Variants in ASTN2 observed in about 807,000 individuals in gnomAD.
ASTN2 encodes the protein astrotactin 2, also known as astrotactin-2.
ASTN2 carries 54 observed loss-of-function variants against 139.8 expected under a neutral mutation model. The ratio of observed to expected loss-of-function variants is 0.39; its 90% CI spans 0.31 to 0.48. The LOEUF (loss-of-function observed/expected upper bound fraction) is 0.48. ASTN2 is among the 20% of genes least tolerant of loss of function. ASTN2 has a pLI of 0.95. For synonymous variants in ASTN2, 756 were observed against 719.5 expected (o/e 1.05, Z -0.81); for missense variants, 1,565 against 1,725.1 (o/e 0.91, Z 1.64).
At chr9:116,953,005 G>A (rs1203464870) in intron 10 of ASTN2, among the ~76,000 whole-genome samples, 1 of 152,114 alleles carries the variant, frequency 6.6e-6, no homozygotes, top group Non-Finnish European at 1.5e-5. Context: ...TGTCATTTCT[G>A]TTCCTTAGCT....
At chr9:116,446,605 T>C (rs981936342) in intron 20 of ASTN2, among the ~76,000 whole-genome samples, 3 of 152,070 alleles carry the variant, frequency 2.0e-5, no homozygotes, top group Admixed American at 2.0e-4. Context: ...GAGGTCCAAG[T>C]CTACTTATGG....
chr9:117,191,984 C>G (rs1305728182), intron 3 of ASTN2, among the ~76,000 whole-genome samples: 2 of 152,034 alleles, frequency 1.3e-5, no homozygotes, highest in Non-Finnish European at 2.9e-5. Flanking sequence ...CAGAGCATGC[C>G]CGTTTGTTTT....
Position 116,424,738 on chromosome 9 carries a change from T to G in ASTN2, c.*1113A>C, listed in dbSNP as rs1847259904. ...GATTGATTACAGGCACGTGCCACCA[T>G]GCCCTGCTATTTTTTATTTTTTGTA... is the stretch of plus-strand genomic sequence containing the variant. On this transcript the variant is annotated 3_prime_UTR_variant, in exon 23 of 23. Transcript: ENST00000313400. Among the ~76,000 whole-genome samples the G allele has an allele frequency of 6.6e-6, 1 of 152,000 alleles. No homozygotes were observed. Among genetic ancestry groups the G allele is most frequent in the Non-Finnish European group, 1.5e-5 (1 of 67,972 alleles).
intron 10 of ASTN2, among the ~76,000 whole-genome samples, chr9:116,868,174 G>A (rs965768956): frequency 2.0e-5 from 3 of 152,170 alleles, no homozygotes; most frequent in African/African-American, 7.2e-5. Context: ...GATTTCCTGG[G>A]CACCTGCTAT....
At chr9:116,521,791 TCA>T (rs1428891543) in intron 19 of ASTN2, among the ~76,000 whole-genome samples, 1 of 134,152 alleles carries the variant, frequency 7.5e-6, no homozygotes, top group East Asian at 2.2e-4. Context: ...TACAAGGAAC[TCA>T]GACTAATCAG....
chr9:117,205,740 A>G lies in ASTN2; in HGVS notation c.1015+8618T>C, dbSNP rs145920447. Among the ~76,000 whole-genome samples the G allele has an allele frequency of 3.6e-3, 547 of 152,244 alleles. 4 individuals carry two copies. Among genetic ancestry groups the G allele is most frequent in the African/African-American group, 0.013 (521 of 41,544 alleles). On this transcript the variant is annotated intron_variant, in intron 3 of 22. Transcript: ENST00000313400. The stretch of plus-strand genomic sequence containing the variant: ...AAATAAGGCTTTCTTTAGGCTCTCA[A>G]AAGTAGCGGTCGGTGTCTGAACCGG...
intron 10 of ASTN2, among the ~76,000 whole-genome samples, chr9:116,890,326 C>T (rs1174648745): frequency 6.6e-6 from 1 of 152,166 alleles, no homozygotes; most frequent in Admixed American, 6.5e-5. Flanking sequence ...CCTAACTGCA[C>T]CTGCCACGCA....
At chr9:116,675,656 G>C (rs1039676857) in intron 16 of ASTN2, among the ~76,000 whole-genome samples, 1 of 152,198 alleles carries the variant, frequency 6.6e-6, no homozygotes, top group African/African-American at 2.4e-5. Context: ...ATGTCTTTCT[G>C]TGTGTTTGTA....
chr9:116,935,989 A>T (rs902629967), intron 10 of ASTN2, among the ~76,000 whole-genome samples: 1 of 126,308 alleles, frequency 7.9e-6, no homozygotes, highest in Non-Finnish European at 1.7e-5. Context: ...AGTGAATGGC[A>T]GACCTGGGAT....
chr9:116,549,181 T>C (rs1852230750), intron 19 of ASTN2, among the ~76,000 whole-genome samples: 1 of 115,160 alleles, frequency 8.7e-6, no homozygotes, highest in African/African-American at 3.3e-5. Flanking sequence ...ATGTCAGTAA[T>C]AAAAAGATCA....
intron 13 of ASTN2, among the ~76,000 whole-genome samples, chr9:116,804,105 T>C (rs912805197): frequency 2.6e-5 from 4 of 152,264 alleles, no homozygotes; most frequent in Middle Eastern, 3.4e-3. Context: ...CAGCATGGTA[T>C]ATGAGAAAGA....
intron 19 of ASTN2, among the ~76,000 whole-genome samples, chr9:116,615,714 A>T (rs890889021): frequency 1.6e-5 from 2 of 121,528 alleles, no homozygotes; most frequent in Non-Finnish European, 3.3e-5. Flanking sequence ...ATCACACACC[A>T]GGGCCTGTCA....
intron 10 of ASTN2, among the ~76,000 whole-genome samples, chr9:116,887,110 T>C (rs553851742): frequency 6.6e-6 from 1 of 152,306 alleles, no homozygotes; most frequent in South Asian, 2.1e-4. Context: ...AGTTCCTTAT[T>C]TGAATATAGG....
chr9:117,301,248 C>G (rs1292755674), intron 1 of ASTN2, among the ~76,000 whole-genome samples: 1 of 152,096 alleles, frequency 6.6e-6, no homozygotes, highest in South Asian at 2.1e-4. Context: ...TGCATGCTCT[C>G]TCTGTCTCTC....
At position 117,414,914 on chromosome 9, in the gene ASTN2, T is replaced by A; in HGVS notation, c.25A>T (p.Ser9Cys). The A allele has an allele frequency of 1.9e-6, 1 of 524,712 alleles. No individual in the cohort carries two copies. Among genetic ancestry groups the A allele is most frequent in the Non-Finnish European group, 2.6e-6 (1 of 387,918 alleles). The allele number at this position is 524,712 out of a possible 1,614,324, so 32.5% of individuals were successfully genotyped here. Reference protein sequence around the residue: MAAAGARLSPGPGSGLRGR... With the variant: MAAAGARLCPGPGSGLRGR... The stretch of plus-strand genomic sequence containing the variant: ...CGGAGCCCCGAGCCGGGGCCGGGGC[T>A]GAGCCGGGCGCCGGCGGCGGCCATG... The change falls in exon 1 of 23, where the codon AGC becomes TGC. Residue 9 changes from serine to cysteine, a missense_variant. Physicochemically the swap from Ser to Cys is moderately radical, Grantham distance 112 (BLOSUM62 -1). Around this residue, in one of 4 missense-constraint regions of ASTN2, gnomAD observed 596 missense variants for 576.8 expected, o/e 1.03. Coordinates refer to ENST00000313400, the MANE Select transcript of ASTN2 (RefSeq NM_001365068.1). This position sits in a 1 kb window ranked among gnomAD's most constrained non-coding sequence, Gnocchi z 4.2.
chr9:116,651,611 G>T lies in ASTN2; in HGVS notation c.2989C>A (p.Gln997Lys), dbSNP rs1857919469. ...AGCAGCACTGGTGTGGGGCTCAGCT[G>T]CTCCTTGCCTGGCCGGCGGCAAAGG... Reference protein sequence around the residue: ...CHLCRRPGKEQLSPTPVLLEI... With the variant: ...CHLCRRPGKEKLSPTPVLLEI... Residue 997 changes from glutamine to lysine, a missense_variant, in exon 17 of 23, where the codon CAG becomes AAG. Transcript: ENST00000313400. 1 of 1,614,058 alleles carries T rather than the reference G, an allele frequency of 6.2e-7. No individual in the cohort carries two copies. Among genetic ancestry groups the T allele is most frequent in the African/African-American group, 1.3e-5 (1 of 74,938 alleles).
chr9:117,094,164 AAGGGAGGAAGGG>A (rs1828779586), intron 5 of ASTN2, among the ~76,000 whole-genome samples: 1 of 94,158 alleles, frequency 1.1e-5, no homozygotes, highest in Middle Eastern at 5.1e-3. Context: ...GAAAGGGAGG[AAGGGAGGAAGGG>A]AGGGAGGGAG....
At chr9:117,004,203 T>C (rs1377046181) in intron 7 of ASTN2, among the ~76,000 whole-genome samples, 1 of 152,098 alleles carries the variant, frequency 6.6e-6, no homozygotes, top group African/African-American at 2.4e-5. Flanking sequence ...AACTGTAGCC[T>C]CGACTTCCAG....
chr9:117,266,766 T>A (rs1833946951), intron 2 of ASTN2, among the ~76,000 whole-genome samples: 2 of 152,238 alleles, frequency 1.3e-5, no homozygotes, highest in African/African-American at 4.8e-5. Context: ...GATCAACTGA[T>A]GAATAATAAA....
Sources: allele counts gnomAD v4.1 joint callset (sites outside exome capture counted in the v4.1 genomes callset), GRCh38; gene constraint gnomAD v4.1.1; regional missense constraint gnomAD v4.1.1; non-coding constraint Gnocchi (gnomAD v3.1); transcripts MANE v1.5; gene names NCBI Gene and HGNC (gene_info 2026-07-23, HGNC 2026-07-21).